Variants in TOP2A observed in about 807,000 individuals in gnomAD.
The protein encoded by TOP2A is DNA topoisomerase II alpha, also known as DNA topoisomerase 2-alpha.
In TOP2A, 68 loss-of-function variants were observed where a neutral mutation model predicts 187.2. The observed-to-expected ratio is 0.36, with a 90% CI of 0.30 to 0.44. TOP2A has a LOEUF of 0.44. Ranked by LOEUF, TOP2A falls within the 20% of genes least tolerant of loss-of-function variation. The pLI, the probability that TOP2A is intolerant of heterozygous loss-of-function variation, is 1.00. For synonymous variants in TOP2A, 542 were observed against 593.2 expected, an observed-to-expected ratio of 0.91 and a Z score of 1.25; for missense variants, 1,196 against 1,808.7, an observed-to-expected ratio of 0.66 and a Z score of 6.14.
In TOP2A at chr17:40,400,860, G is replaced by A. The variant is rs1420357634; in HGVS notation, c.2654C>T (p.Pro885Leu). Residue 885 changes from proline to leucine, a missense_variant, in exon 21 of 35, where the codon CCT becomes CTT. Coordinates refer to ENST00000423485, the MANE Select transcript of TOP2A (RefSeq NM_001067.4). The stretch of plus-strand genomic sequence containing the variant: ...ACACAGAATACTTACCATTGGCAAA[G>A]GTTCTTCTCCATCCATCAAACGCCT... ...NIRRLMDGEE[P>L]LPMLPSYKNF... 10 of 1,613,816 alleles carry A rather than the reference G, an allele frequency of 6.2e-6. No individual in the cohort carries two copies. The highest frequency in any genetic ancestry group is 8.5e-6 in the Non-Finnish European group (10 of 1,179,860).
rs372917040 is a variant in TOP2A at position 40,412,776 on chromosome 17, T to C, written c.772A>G (p.Asn258Asp). The change falls in exon 7 of 35, where the codon AAT (asparagine) becomes GAT (aspartate). Residue 258 changes from asparagine (N) to aspartate (D), a missense_variant. Physicochemically the swap from Asn to Asp is conservative, Grantham distance 23. This residue lies in a region of TOP2A where 252 missense variants were observed against 434.8 expected (regional missense o/e 0.58). Transcript: ENST00000423485. ...ATACTCACTGGCAGTTTATTTCCAT[T>C]AAGAAAGACTTTGACATCTTTGGTG... is the stretch of plus-strand genomic sequence containing the variant. ...GSTKDVKVFL[N>D]GNKLPVKGFR... is the part of the protein sequence containing the mutation. 1.2e-6 allele frequency: 2 copies of C among 1,613,610 alleles called. No homozygotes were observed. The highest frequency in any genetic ancestry group is 2.2e-5 in the East Asian group (1 of 44,880).
chr17:40,404,990 C>CT (rs1265795492), intron 16 of TOP2A, 107 bp from the exon 17 acceptor site: 46,254 of 536,136 alleles, frequency 0.086, 55 homozygotes, highest in East Asian at 0.1. Context: ...TACTGTTTTC[C>CT]TTTTTTTTTT....
In TOP2A at chr17:40,412,919, T is replaced by C. The variant is rs767966896; in HGVS notation, c.629A>G (p.Asn210Ser). 1.1e-5 allele frequency: 17 copies of C among 1,613,754 alleles called. No individual in the cohort carries two copies. The highest frequency in any genetic ancestry group is 1.1e-5 in the South Asian group (1 of 91,054). Residue 210 changes from asparagine to serine, a missense_variant, in exon 7 of 35, where the codon AAT becomes AGT. Around this residue, in one of 10 missense-constraint regions of TOP2A, gnomAD observed 252 missense variants for 434.8 expected, o/e 0.58. Coordinates refer to ENST00000423485, the MANE Select transcript of TOP2A (RefSeq NM_001067.4). Reference sequence around the variant, plus strand: ...GGTGATACATGTATAATCTTCTCCATTGAAGGGCTTGAGTTCCATCTCACC... The same window carrying C: ...GGTGATACATGTATAATCTTCTCCACTGAAGGGCTTGAGTTCCATCTCACC... ...RAGEMELKPF[N>S]GEDYTCITFQ... is the part of the protein sequence containing the mutation.
chr17:40,390,085 A>G lies in TOP2A; in HGVS notation c.4347T>C (p.Ser1449=), dbSNP rs2035003571. Residue 1449 remains serine (S), a synonymous_variant, in exon 34 of 35, where the codon TCT becomes TCC. Transcript: ENST00000423485. ...CAGGATCAGGCTTTTGAGAGACACC[A>G]GAATTCAAAGCTGGATCCCTTTTAG... The part of the protein sequence containing the change: ...KGTKRDPALN[S]GVSQKPDPAK... 1.9e-6 allele frequency: 3 copies of G among 1,613,756 alleles called. No homozygotes were observed. Among genetic ancestry groups the G allele is most frequent in the Non-Finnish European group, 1.7e-6 (2 of 1,179,866 alleles).
intron 20 of TOP2A, among the ~76,000 whole-genome samples, chr17:40,401,727 CA>C (rs2035183760): frequency 6.6e-6 from 1 of 151,644 alleles, no homozygotes; most frequent in Non-Finnish European, 1.5e-5. Context: ...AAAAAAACAA[CA>C]AAAAACAAAC....
At position 40,389,064 on chromosome 17, in the gene TOP2A, A is replaced by T. The variant is rs550359452; in HGVS notation, c.*455T>A. The T allele has an allele frequency of 4.6e-6, 1 of 218,336 alleles. No homozygotes were observed. Among genetic ancestry groups the T allele is most frequent in the Non-Finnish European group, 9.3e-6 (1 of 107,908 alleles). 13.5% of individuals were successfully genotyped at this position (218,336 alleles called of 1,614,324 possible). A position where few individuals can be genotyped will look rare whatever the true frequency, so the allele number is the denominator to read the frequency against. ...TACTAGAACCATAAAGTTCTATCTGATGGTAAATTATGTATAAAACTAAGA... is the reference window on the plus strand; with the variant it reads ...TACTAGAACCATAAAGTTCTATCTGTTGGTAAATTATGTATAAAACTAAGA... On this transcript the variant is annotated 3_prime_UTR_variant, in exon 35 of 35. Transcript: ENST00000423485.
At position 40,389,619 on chromosome 17, in the gene TOP2A, T is replaced by C. The variant is rs959735528; in HGVS notation, c.4496A>G (p.His1499Arg). 3.7e-6 allele frequency: 6 copies of C among 1,609,874 alleles called. No individual in the cohort carries two copies. Among genetic ancestry groups the C allele is most frequent in the Middle Eastern group, 1.7e-4 (1 of 6,058 alleles). ...KKSKGESDDF[H>R]MDFDSAVAPR... ...AGCCACAGCTGAGTCAAAGTCCATA[T>C]GGAAGTCATCACTCTCCCCCTTGGA... The change falls in exon 35 of 35, where the codon CAT becomes CGT. Residue 1499 changes from histidine to arginine, a missense_variant. This residue lies in a region of TOP2A where 374 missense variants were observed against 403.3 expected (regional missense o/e 0.93). Coordinates refer to ENST00000423485, the MANE Select transcript of TOP2A (RefSeq NM_001067.4).
chr17:40,406,820 A>C lies in TOP2A; in HGVS notation c.1737+12T>G. The C allele has an allele frequency of 6.3e-7, 1 of 1,597,366 alleles. No individual in the cohort carries two copies. Among genetic ancestry groups the C allele is most frequent in the South Asian group, 1.1e-5 (1 of 90,038 alleles). ...TTAAAATATCCATGATGGTACTTAG[A>C]AATTAGCGTACCTTTACAATGGGAG... On this transcript the variant is annotated intron_variant, in intron 14 of 34. Transcript: ENST00000423485.
In TOP2A at chr17:40,399,946, A is replaced by C; in HGVS notation, c.3122T>G (p.Leu1041Arg). Residue 1041 changes from leucine to arginine, a missense_variant, in exon 24 of 35, where the codon CTT (leucine) becomes CGT (arginine). Physicochemically the swap from Leu to Arg is moderately radical, Grantham distance 102. Coordinates refer to ENST00000423485, the MANE Select transcript of TOP2A (RefSeq NM_001067.4). ...GLRKEWLLGM[L>R]GAESAKLNNQ... Reference sequence around the variant, plus strand: ...ATTCAGTTTAGCAGATTCAGCACCAAGCATTCCTAGGAGCCATTCTTTTCT... The same window carrying C: ...ATTCAGTTTAGCAGATTCAGCACCACGCATTCCTAGGAGCCATTCTTTTCT... The C allele has an allele frequency of 6.2e-7, 1 of 1,613,152 alleles. No homozygotes were observed. The highest frequency in any genetic ancestry group is 8.5e-7 in the Non-Finnish European group (1 of 1,179,550).
intron 16 of TOP2A, among the ~76,000 whole-genome samples, chr17:40,405,842 C>G (rs2035237743): frequency 6.6e-6 from 1 of 151,914 alleles, no homozygotes; most frequent in Non-Finnish European, 1.5e-5. Flanking sequence ...TCTCGGCTCA[C>G]TGCAACCTCT....
chr17:40,396,082 C>T (rs939430301), intron 28 of TOP2A, among the ~76,000 whole-genome samples: 2 of 151,070 alleles, frequency 1.3e-5, no homozygotes, highest in Admixed American at 6.6e-5. Context: ...CGGGTTCAAG[C>T]GATTCTTCTG....
chr17:40,400,771 G>T, intron 21 of TOP2A, 79 bp downstream of exon 21: 2 of 1,535,756 alleles, frequency 1.3e-6, no homozygotes, highest in Non-Finnish European at 1.8e-6. Flanking sequence ...TTTTATGTTT[G>T]CATCATCTTT....
At chr17:40,405,397 C>T (rs1245378658) in intron 16 of TOP2A, among the ~76,000 whole-genome samples, 2 of 151,480 alleles carry the variant, frequency 1.3e-5, no homozygotes, top group African/African-American at 4.8e-5. Context: ...GTGATCCACC[C>T]GCCTCGGCCT....
chr17:40,391,146 C>T (rs1425580025), intron 33 of TOP2A: 7 of 182,326 alleles, frequency 3.8e-5, no homozygotes, highest in Admixed American at 6.2e-5. Flanking sequence ...GCCTTGAACT[C>T]CTGGCCTCAA....
chr17:40,397,120 A>C (rs2035110700), intron 27 of TOP2A, among the ~76,000 whole-genome samples: 1 of 152,056 alleles, frequency 6.6e-6, no homozygotes, highest in Non-Finnish European at 1.5e-5. Flanking sequence ...CCTAATCTCA[A>C]GTGATCCTCC....
In TOP2A at chr17:40,408,098, G is replaced by A; in HGVS notation, c.1369C>T (p.Leu457Phe). 1 of 1,610,062 alleles carries A rather than the reference G, an allele frequency of 6.2e-7. No individual in the cohort carries two copies. The highest frequency in any genetic ancestry group is 8.5e-7 in the Non-Finnish European group (1 of 1,178,116). Residue 457 changes from leucine (L) to phenylalanine (F), a missense_variant, in exon 12 of 35, where the codon CTT (leucine) becomes TTT (phenylalanine). This residue lies in a region of TOP2A where 252 missense variants were observed against 434.8 expected (regional missense o/e 0.58). Coordinates refer to ENST00000423485, the MANE Select transcript of TOP2A (RefSeq NM_001067.4). ...AGGRNSTECT[L>F]ILTEGDSAKT... The stretch of plus-strand genomic sequence containing the variant: ...GCTGAATCTCCCTCAGTCAGGATAA[G>A]CGTACACTCAGTGGAGTTTCGGCCC...
chr17:40,393,962 A>G (rs547026811), intron 29 of TOP2A, among the ~76,000 whole-genome samples: 527 of 151,754 alleles, frequency 3.5e-3, no homozygotes, highest in Non-Finnish European at 5.1e-3. Flanking sequence ...AGGCTGAGGC[A>G]GGAGAATTGC....
At position 40,408,138 on chromosome 17, in the gene TOP2A, A is replaced by G. The variant is rs2035271078; in HGVS notation, c.1343-14T>C. 6.4e-7 allele frequency: 1 copy of G among 1,558,354 alleles called. No homozygotes were observed. The highest frequency in any genetic ancestry group is 1.9e-5 in the Admixed American group (1 of 52,100). ...AGTTTCGGCCCCCTAAAATAAAAAT[A>G]TACATATTAATATTAGCACATTTAG... On this transcript the variant is annotated splice_polypyrimidine_tract_variant and intron_variant, in intron 11 of 34. Transcript: ENST00000423485.
chr17:40,413,362 G>A, intron 5 of TOP2A, 70 bp from the exon 6 acceptor site: 1 of 1,415,390 alleles, frequency 7.1e-7, no homozygotes, highest in Admixed American at 2.2e-5. Context: ...CTTAATCACT[G>A]GCAGAGCTAT....
Sources: allele counts gnomAD v4.1 joint callset (sites outside exome capture counted in the v4.1 genomes callset), GRCh38; gene constraint gnomAD v4.1.1; regional missense constraint gnomAD v4.1.1; transcripts MANE v1.5; gene names NCBI Gene and HGNC (gene_info 2026-07-23, HGNC 2026-07-21).